Variants in RIPOR2 observed in about 807,000 individuals in gnomAD.
The protein encoded by RIPOR2 is rho family-interacting cell polarization regulator 2.
In RIPOR2, 39 loss-of-function variants were observed where a neutral mutation model predicts 114.5. That is an observed-to-expected ratio of 0.34 (90% CI 0.26 to 0.44). RIPOR2 has a LOEUF of 0.44. Among genes scored for constraint, RIPOR2 ranks in the 20% least tolerant of loss-of-function variants. RIPOR2 has a pLI of 1.00. For synonymous variants in RIPOR2, 445 were observed against 484.4 expected, an observed-to-expected ratio of 0.92 and a Z score of 1.07; for missense variants, 1,007 against 1,255.1, an observed-to-expected ratio of 0.80 and a Z score of 2.99.
At chr6:24,950,459 A>G (rs1772692990) in intron 1 of RIPOR2, among the ~76,000 whole-genome samples, 1 of 152,190 alleles carries the variant, frequency 6.6e-6, no homozygotes, top group Non-Finnish European at 1.5e-5. Flanking sequence ...TGATGACAAT[A>G]TTAATGACAA....
chr6:25,035,691 T>C (rs1777210629), intron 1 of RIPOR2, among the ~76,000 whole-genome samples: 1 of 152,094 alleles, frequency 6.6e-6, no homozygotes, highest in South Asian at 2.1e-4. Flanking sequence ...AGATAACAGG[T>C]GAGCCAGGAC....
At chr6:24,955,281 T>C (rs1223004565) in intron 1 of RIPOR2, among the ~76,000 whole-genome samples, 2 of 152,218 alleles carry the variant, frequency 1.3e-5, no homozygotes, top group Non-Finnish European at 2.9e-5. Context: ...ACTGTTAATA[T>C]TTTGGCTTAG....
rs9356959 is a variant in RIPOR2 at position 25,041,763 on chromosome 6, A to G, written c.76+88T>C. On this transcript the variant is annotated intron_variant, in intron 1 of 13. Transcript: ENST00000510784. The stretch of plus-strand genomic sequence containing the variant: ...AGGAGGAAGGGGGAAAGATTGGAGA[A>G]GATTTGCAGAGGGCAAGAAATGAGT... 43,140 of 644,964 alleles carry G rather than the reference A, an allele frequency of 0.067. 1,898 individuals are homozygous for G. Among genetic ancestry groups the G allele is most frequent in the Middle Eastern group, 0.14 (568 of 4,082 alleles). The allele number at this position is 644,964 out of a possible 1,614,324, so 40.0% of individuals were successfully genotyped here.
At chr6:25,013,460 G>T (rs964870354) in intron 1 of RIPOR2, among the ~76,000 whole-genome samples, 3 of 152,178 alleles carry the variant, frequency 2.0e-5, no homozygotes, top group African/African-American at 7.2e-5. Context: ...TCTGCCTGAA[G>T]GGGGAGCACC....
At chr6:24,841,613 C>T (rs1006836796) in intron 13 of RIPOR2, among the ~76,000 whole-genome samples, 2 of 82,466 alleles carry the variant, frequency 2.4e-5, no homozygotes, top group African/African-American at 5.0e-5. Flanking sequence ...AAAACAATCA[C>T]CATATTTTTT....
At chr6:24,983,901 A>G (rs774199896) in intron 1 of RIPOR2, among the ~76,000 whole-genome samples, 4 of 151,972 alleles carry the variant, frequency 2.6e-5, no homozygotes, top group Non-Finnish European at 5.9e-5. Flanking sequence ...ATAGAAAGAG[A>G]AATATTACGT....
chr6:24,994,953 G>A (rs917175943), intron 1 of RIPOR2, among the ~76,000 whole-genome samples: 1 of 152,160 alleles, frequency 6.6e-6, no homozygotes, highest in African/African-American at 2.4e-5. Context: ...ATACTGTGAT[G>A]TATATGGCCC....
chr6:24,841,748 G>T (rs1424711561), intron 13 of RIPOR2, among the ~76,000 whole-genome samples: 2 of 151,514 alleles, frequency 1.3e-5, no homozygotes, highest in Non-Finnish European at 2.9e-5. Context: ...CTCCCTAGTA[G>T]TTGGGACTAC....
At chr6:24,920,194 A>G (rs1770374226) in intron 1 of RIPOR2, among the ~76,000 whole-genome samples, 1 of 152,220 alleles carries the variant, frequency 6.6e-6, no homozygotes, top group Non-Finnish European at 1.5e-5. Context: ...ACTGGGGCTG[A>G]TTGCTTGCCA....
In RIPOR2 at chr6:24,832,796, T is replaced by A. The variant is rs1453861559; in HGVS notation, c.2209-405A>T. Among the ~76,000 whole-genome samples the A allele has an allele frequency of 2.0e-5, 3 of 152,228 alleles. No homozygotes were observed. The East Asian group carries it at 5.8e-4, about 29-fold the overall frequency. On this transcript the variant is annotated intron_variant, in intron 15 of 21. Transcript: ENST00000643898. ...CACAGCATGGTTTTATTTTTGTGTG[T>A]GTGTTCAAGCTGAAAGTTAAGAGCA... is the stretch of plus-strand genomic sequence containing the variant.
chr6:24,998,560 G>T (rs1213108115), intron 1 of RIPOR2, among the ~76,000 whole-genome samples: 1 of 152,096 alleles, frequency 6.6e-6, no homozygotes, highest in Non-Finnish European at 1.5e-5. Flanking sequence ...TGATTCCTTT[G>T]TTTCCATGTT....
At chr6:24,904,746 T>C (rs1053411365) in intron 1 of RIPOR2, among the ~76,000 whole-genome samples, 3 of 152,382 alleles carry the variant, frequency 2.0e-5, no homozygotes, top group Admixed American at 6.5e-5. Context: ...AGTCTCATTC[T>C]GGAGCCAGTA....
At chr6:24,935,464 A>G (rs1771735520) in intron 1 of RIPOR2, among the ~76,000 whole-genome samples, 1 of 152,146 alleles carries the variant, frequency 6.6e-6, no homozygotes, top group Non-Finnish European at 1.5e-5. Flanking sequence ...CATTTATTTA[A>G]CTTCTTCCCT....
At chr6:24,896,371 C>A (rs1488350786) in intron 1 of RIPOR2, among the ~76,000 whole-genome samples, 2 of 152,076 alleles carry the variant, frequency 1.3e-5, no homozygotes, top group East Asian at 1.9e-4. Context: ...CTTGTTACAG[C>A]GATGAGGATA....
chr6:24,920,007 G>A (rs1347745454), intron 1 of RIPOR2, among the ~76,000 whole-genome samples: 4 of 152,184 alleles, frequency 2.6e-5, no homozygotes, highest in African/African-American at 4.8e-5. Flanking sequence ...CTTACAGAAG[G>A]AAGAACAATT....
rs188116028 is a variant in RIPOR2 at position 25,005,488 on chromosome 6, G to A, written c.76+36363C>T. ...AATTGTAAAATATCCCTAAATAGCCGGTATTTATAAGTTTTCATTTGAAAG... is the reference window on the plus strand; with the variant it reads ...AATTGTAAAATATCCCTAAATAGCCAGTATTTATAAGTTTTCATTTGAAAG... On this transcript the variant is annotated intron_variant, in intron 1 of 13. Transcript: ENST00000510784. 4.5e-3 allele frequency among the ~76,000 whole-genome samples: 688 copies of A among 151,420 alleles called. 3 individuals carry two copies. The highest frequency in any genetic ancestry group is 7.6e-3 in the Non-Finnish European group (519 of 67,848).
At chr6:24,884,864 C>T (rs1171841947) in intron 1 of RIPOR2, among the ~76,000 whole-genome samples, 2 of 152,076 alleles carry the variant, frequency 1.3e-5, no homozygotes, top group South Asian at 2.1e-4. Context: ...AAGTGCTTTA[C>T]AAAAGGCAAA....
At chr6:24,965,608 T>C (rs1773491335) in intron 1 of RIPOR2, among the ~76,000 whole-genome samples, 1 of 152,246 alleles carries the variant, frequency 6.6e-6, no homozygotes, top group African/African-American at 2.4e-5. Flanking sequence ...TCTGATAATT[T>C]AATTACATGA....
rs1365063781 is a variant in RIPOR2 at position 24,861,010 on chromosome 6, T to C, written c.678A>G (p.Leu226=). 1 of 1,610,564 alleles carries C rather than the reference T, an allele frequency of 6.2e-7. No individual in the cohort carries two copies. Among genetic ancestry groups the C allele is most frequent in the Non-Finnish European group, 8.5e-7 (1 of 1,177,520 alleles). ...TGGAGAATTCTCCCAGCAGATTCTC[T>C]AGCTCCACTTCAATGGTGCACATAT... ...TENMCTIEVE[L]ENLLGEFSIK... The change falls in exon 8 of 22, where the codon CTA becomes CTG. Residue 226 remains leucine (L), a synonymous_variant. Transcript: ENST00000643898.
Sources: allele counts gnomAD v4.1 joint callset (sites outside exome capture counted in the v4.1 genomes callset), GRCh38; gene constraint gnomAD v4.1.1; transcripts MANE v1.5; gene names NCBI Gene and HGNC (gene_info 2026-07-23, HGNC 2026-07-21).